Variants in AQR observed in about 807,000 individuals in gnomAD.
AQR encodes the protein aquarius intron-binding spliceosomal factor.
AQR carries 61 observed loss-of-function variants against 180.5 expected under a neutral mutation model. The observed-to-expected ratio is 0.34, with a 90% CI of 0.28 to 0.42. The LOEUF (loss-of-function observed/expected upper bound fraction) is 0.42. AQR is among the 10% of genes least tolerant of loss of function. The pLI, the probability that AQR is intolerant of heterozygous loss-of-function variation, is 1.00. For synonymous variants in AQR, 551 were observed against 588.8 expected, an observed-to-expected ratio of 0.94 and a Z score of 0.93; for missense variants, 1,281 against 1,798.3, an observed-to-expected ratio of 0.71 and a Z score of 5.20.
chr15:34,954,597 A>G lies in AQR; in HGVS notation c.174-1677T>C, dbSNP rs180817608. 3.9e-3 allele frequency among the ~76,000 whole-genome samples: 597 copies of G among 152,210 alleles called. 1 individual carries two copies. Among genetic ancestry groups the G allele is most frequent in the African/African-American group, 0.01 (424 of 41,536 alleles). The stretch of plus-strand genomic sequence containing the variant: ...GCTGGGATTACAGGCATGAGCCACC[A>G]TGCCTGGCCTTGAAAAATAACTCTT... On this transcript the variant is annotated intron_variant, in intron 3 of 34. Coordinates refer to ENST00000156471, the MANE Select transcript of AQR (RefSeq NM_014691.3).
Position 34,930,388 on chromosome 15 carries a change from A to C in AQR, c.901-17T>G. 7.3e-7 allele frequency: 1 copy of C among 1,373,980 alleles called. No homozygotes were observed. The highest frequency in any genetic ancestry group is 1.0e-6 in the Non-Finnish European group (1 of 964,054). 85.1% of individuals were successfully genotyped at this position (1,373,980 alleles called of 1,614,324 possible). Reference sequence around the variant, plus strand: ...GTCCAAAAGCTGAAGAAACACATTTACATGTATAAATCATATGAACATAAG... The same window carrying C: ...GTCCAAAAGCTGAAGAAACACATTTCCATGTATAAATCATATGAACATAAG... On this transcript the variant is annotated splice_polypyrimidine_tract_variant and intron_variant, in intron 11 of 34. Transcript: ENST00000156471.
intron 1 of AQR, among the ~76,000 whole-genome samples, chr15:34,965,810 ATCT>A (rs1209060733): frequency 6.6e-6 from 1 of 152,172 alleles, no homozygotes; most frequent in Non-Finnish European, 1.5e-5. Context: ...AAATTCAGTC[ATCT>A]TCTTCTTACA....
At chr15:34,888,650 C>T (rs1002917359) in intron 24 of AQR, among the ~76,000 whole-genome samples, 3 of 151,220 alleles carry the variant, frequency 2.0e-5, no homozygotes, top group African/African-American at 4.9e-5. Context: ...TGAGCTGAGA[C>T]GGTGCCACTG....
chr15:34,942,604 C>T (rs143953585), intron 6 of AQR, among the ~76,000 whole-genome samples: 10 of 152,246 alleles, frequency 6.6e-5, no homozygotes, highest in African/African-American at 2.4e-4. Context: ...AGAGTAAATA[C>T]GTATGTTAGA....
intron 10 of AQR, 45 bp downstream of exon 10, chr15:34,934,525 AC>A (rs574328569): frequency 1.4e-6 from 2 of 1,403,752 alleles, no homozygotes; most frequent in Non-Finnish European, 2.0e-6. Context: ...TTAATCTTAG[AC>A]CCCCTAATGA....
intron 24 of AQR, among the ~76,000 whole-genome samples, chr15:34,889,995 C>T (rs1265365106): frequency 1.3e-5 from 2 of 152,078 alleles, no homozygotes; most frequent in Non-Finnish European, 2.9e-5. Context: ...TCTTCATTAA[C>T]ATAATTGTAT....
At chr15:34,860,630 CTG>C (rs1892657680) in intron 33 of AQR, among the ~76,000 whole-genome samples, 1 of 152,162 alleles carries the variant, frequency 6.6e-6, no homozygotes, top group Non-Finnish European at 1.5e-5. Flanking sequence ...GTTTCTAAGA[CTG>C]TGTATGCTCC....
chr15:34,860,607 G>A (rs1306749968), intron 33 of AQR, among the ~76,000 whole-genome samples: 1 of 152,162 alleles, frequency 6.6e-6, no homozygotes, highest in Non-Finnish European at 1.5e-5. Context: ...AGTCAACACA[G>A]TCTGAAACAG....
intron 3 of AQR, among the ~76,000 whole-genome samples, chr15:34,955,265 A>G (rs1894292229): frequency 6.6e-6 from 1 of 152,206 alleles, no homozygotes; most frequent in Non-Finnish European, 1.5e-5. Flanking sequence ...ACACTGTGCC[A>G]AGGACTTAAC....
chr15:34,902,788 T>C (rs76296087), intron 19 of AQR, among the ~76,000 whole-genome samples: 2,585 of 152,280 alleles, frequency 0.017, 76 homozygotes, highest in African/African-American at 0.057. Flanking sequence ...AACTCTTAGA[T>C]TTCTCCATCC....
chr15:34,913,667 G>C (rs1893533679), intron 16 of AQR, among the ~76,000 whole-genome samples: 1 of 152,124 alleles, frequency 6.6e-6, no homozygotes, highest in African/African-American at 2.4e-5. Flanking sequence ...TCTATTTGTT[G>C]AACTGCCAGT....
intron 9 of AQR, among the ~76,000 whole-genome samples, chr15:34,937,961 C>T (rs115891450): frequency 0.013 from 2,009 of 150,558 alleles, 53 homozygotes; most frequent in African/African-American, 0.047. Flanking sequence ...TATATACTTA[C>T]TTTTTAAATC....
At chr15:34,942,943 C>A in intron 6 of AQR, 1 of 982,766 alleles carries the variant, frequency 1.0e-6, no homozygotes, top group Non-Finnish European at 1.5e-6. Context: ...AAACTATCAC[C>A]AAATTACTAA....
intron 2 of AQR, among the ~76,000 whole-genome samples, chr15:34,963,630 G>T (rs931118607): frequency 1.3e-5 from 2 of 150,942 alleles, no homozygotes; most frequent in African/African-American, 4.9e-5. Context: ...TCTATAAACA[G>T]AAAAACAGTT....
At chr15:34,944,452 C>T in intron 5 of AQR, 24 bp from the exon 6 acceptor site, 1 of 1,582,364 alleles carries the variant, frequency 6.3e-7, no homozygotes, top group Non-Finnish European at 8.6e-7. Flanking sequence ...GAATAAAATT[C>T]ATTTTGTATT....
rs769204156 is a variant in AQR, at chr15:34,897,665, T to C, written c.2284A>G (p.Lys762Glu). The C allele has an allele frequency of 6.2e-7, 1 of 1,614,130 alleles. No homozygotes were observed. The highest frequency in any genetic ancestry group is 8.5e-7 in the Non-Finnish European group (1 of 1,179,990). ...TCTTCATCTTCCACATCCGCATCTT[T>C]CCTTTTCTTCCCTTTTCCACTTCTT... ...PVRSGKGKKR[K>E]DADVEDEDTE... The change falls in exon 21 of 35, where the codon AAA becomes GAA. Residue 762 changes from lysine (K) to glutamate (E), a missense_variant. By Grantham distance (56) the Lys-to-Glu change is moderately conservative. Around this residue, in one of 9 missense-constraint regions of AQR, gnomAD observed 112 missense variants for 128.6 expected, o/e 0.87. Coordinates refer to ENST00000156471, the MANE Select transcript of AQR (RefSeq NM_014691.3).
At chr15:34,967,880 C>A (rs967476537) in intron 1 of AQR, among the ~76,000 whole-genome samples, 124 of 152,186 alleles carry the variant, frequency 8.1e-4, no homozygotes, top group African/African-American at 2.8e-3. Flanking sequence ...ATGGTGCGAT[C>A]TTGGCTCATT....
At chr15:34,921,847 G>C (rs1305015674) in intron 13 of AQR, among the ~76,000 whole-genome samples, 1 of 152,102 alleles carries the variant, frequency 6.6e-6, no homozygotes. Context: ...GTCTCACTCT[G>C]TTGCCCAGAC....
intron 24 of AQR, among the ~76,000 whole-genome samples, chr15:34,887,925 C>T (rs1486933915): frequency 2.0e-5 from 3 of 152,098 alleles, no homozygotes; most frequent in Non-Finnish European, 4.4e-5. Context: ...ATGAACACTT[C>T]GTTAATGAGA....
Sources: allele counts gnomAD v4.1 joint callset (sites outside exome capture counted in the v4.1 genomes callset), GRCh38; gene constraint gnomAD v4.1.1; regional missense constraint gnomAD v4.1.1; transcripts MANE v1.5; gene names NCBI Gene and HGNC (gene_info 2026-07-23, HGNC 2026-07-21).